Variants in CD74 observed in about 807,000 individuals in gnomAD.
CD74 encodes the protein HLA class II histocompatibility antigen gamma chain.
In CD74, 20 loss-of-function variants were observed where a neutral mutation model predicts 37.1. The ratio of observed to expected loss-of-function variants is 0.54; its 90% confidence interval spans 0.38 to 0.78. CD74 has a LOEUF of 0.78. Ranked by LOEUF, CD74 falls within the 30% of genes least tolerant of loss-of-function variation. The pLI is 0.00. For missense variants in CD74, 338 were observed against 389.5 expected (o/e 0.87, Z 1.11); for synonymous variants, 150 against 152.0 (o/e 0.99, Z 0.10).
chr5:150,408,943 G>C (rs1453377993), intron 1 of CD74, among the ~76,000 whole-genome samples: 2 of 152,336 alleles, frequency 1.3e-5, no homozygotes, highest in East Asian at 1.9e-4. Context: ...CACCAGGCTG[G>C]GTGTGGTGAC....
chr5:150,407,834 A>G lies in CD74; in HGVS notation c.126-510T>C, dbSNP rs999090818. Among the ~76,000 whole-genome samples, 2 of 151,592 alleles carry G rather than the reference A, an allele frequency of 1.3e-5. No homozygotes were observed. The highest frequency in any genetic ancestry group is 6.6e-5 in the Admixed American group (1 of 15,220). On this transcript the variant is annotated intron_variant, in intron 1 of 8. Transcript: ENST00000009530. This position sits in a 1 kb window ranked among gnomAD's most constrained non-coding sequence, Gnocchi z 4.4. ...AGTGGCGCGATCTCGGCTCACTGCA[A>G]CCTCCACCTCCTGGGTTTATGCCAT...
Position 150,403,123 on chromosome 5 carries a change from C to T in CD74, c.815G>A (p.Ser272Asn), listed in dbSNP as rs2151169548. Reference protein sequence around the residue: ...NTRSRGHHNCSESLELEDPSS... With the variant: ...NTRSRGHHNCNESLELEDPSS... ...ACTGGCACAGTGCCACTGCTTACCA[C>T]TGCAGTTATGGTGCCCGCGGCTTCT... The change falls in exon 7 of 9, where the codon AGT becomes AAT. Residue 272 changes from serine to asparagine, a missense_variant and splice_region_variant. Ser to Asn is a conservative substitution (Grantham distance 46). Transcript: ENST00000009530. This position sits in a 1 kb window ranked among gnomAD's most constrained non-coding sequence, Gnocchi z 4.5. The T allele has an allele frequency of 6.2e-7, 1 of 1,612,804 alleles. No homozygotes were observed. Among genetic ancestry groups the T allele is most frequent in the Non-Finnish European group, 8.5e-7 (1 of 1,179,220 alleles).
chr5:150,402,293 G>T lies in CD74; in HGVS notation c.881-43C>A. 1 of 1,435,404 alleles carries T rather than the reference G, an allele frequency of 7.0e-7. No individual in the cohort carries two copies. The highest frequency in any genetic ancestry group is 9.7e-7 in the Non-Finnish European group (1 of 1,028,490). 88.9% of individuals were successfully genotyped at this position (1,435,404 alleles called of 1,614,324 possible). On this transcript the variant is annotated intron_variant, in intron 8 of 8. Transcript: ENST00000009530. The surrounding 1 kb of genome is among the most constrained non-coding windows in gnomAD (Gnocchi z 4.2). ...AGGTTGAGGTTGGGGTCACCCATTT[G>T]TTGTCCCTGCCCCTTTCTAACATCC...
intron 1 of CD74, among the ~76,000 whole-genome samples, chr5:150,410,508 C>G (rs1770277918): frequency 1.3e-5 from 2 of 152,234 alleles, no homozygotes; most frequent in Admixed American, 6.5e-5. Context: ...TGTTAGCACT[C>G]TATAAATAAA....
rs778538070 is a variant in CD74, at chr5:150,403,196, C to T, written c.742G>A (p.Gly248Ser). ...YLPLQCYGSI[G>S]YCWCVFPNGT... is the part of the protein sequence containing the mutation. The stretch of plus-strand genomic sequence containing the variant: ...TTGGGGAAGACACACCAGCAGTAGC[C>T]GATGCTCCCATAGCACTGGAGTGGC... The change falls in exon 7 of 9, where the codon GGC becomes AGC. Residue 248 changes from glycine to serine, a missense_variant. Transcript: ENST00000009530. The surrounding 1 kb of genome is among the most constrained non-coding windows in gnomAD (Gnocchi z 4.5). 1.4e-5 allele frequency: 23 copies of T among 1,613,900 alleles called. 1 individual carries two copies. The South Asian group carries it at 1.9e-4, about 13-fold the overall frequency.
At chr5:150,406,708 C>T in intron 3 of CD74, 173 bp downstream of exon 3, 1 of 592,512 alleles carries the variant, frequency 1.7e-6, no homozygotes, top group South Asian at 2.3e-5. Flanking sequence ...AGACTCTTCA[C>T]CTGTGCCCTC....
rs1013045954 is a variant in CD74 at position 150,407,108 on chromosome 5, G to A, written c.298+44C>T. ...AGGGATGCGGGTCTCTGAGTTGAGG[G>A]ATGGTGGGAGGTGGGGGGTATCAGG... is the stretch of plus-strand genomic sequence containing the variant. On this transcript the variant is annotated intron_variant, in intron 2 of 8. Coordinates refer to ENST00000009530, the MANE Select transcript of CD74 (RefSeq NM_001025159.3). The surrounding 1 kb of genome is among the most constrained non-coding windows in gnomAD (Gnocchi z 4.4). 6.3e-6 allele frequency: 10 copies of A among 1,596,996 alleles called. No individual in the cohort carries two copies. Among genetic ancestry groups the A allele is most frequent in the Non-Finnish European group, 8.6e-6 (10 of 1,166,984 alleles).
intron 6 of CD74, chr5:150,404,388 C>T (rs1346683234): frequency 2.8e-6 from 1 of 358,252 alleles, no homozygotes; most frequent in Non-Finnish European, 5.2e-6. Flanking sequence ...CCCCAGGCAC[C>T]CTGTGCTGTA....
Position 150,412,609 on chromosome 5 carries a change from T to C in CD74, c.125+16A>G. The stretch of plus-strand genomic sequence containing the variant: ...AGTCCAGGATCGGTGTGCCCTTTCC[T>C]GGTGCTCACACATACCTCTCCGGGG... On this transcript the variant is annotated intron_variant, in intron 1 of 8. Coordinates refer to ENST00000009530, the MANE Select transcript of CD74 (RefSeq NM_001025159.3). 1.3e-6 allele frequency: 2 copies of C among 1,589,858 alleles called. No individual in the cohort carries two copies. Among genetic ancestry groups the C allele is most frequent in the Non-Finnish European group, 1.7e-6 (2 of 1,160,818 alleles).
Position 150,404,672 on chromosome 5 carries a change from C to A in CD74, c.625+8G>T, listed in dbSNP as rs2151176874. On this transcript the variant is annotated splice_region_variant and intron_variant, in intron 6 of 8. Transcript: ENST00000009530. ...GCCCTGGCACGCTAAAGCTCCCACTCCCTGTACCTTTCGGTGGAGCGTCAG... is the reference window on the plus strand; with the variant it reads ...GCCCTGGCACGCTAAAGCTCCCACTACCTGTACCTTTCGGTGGAGCGTCAG... The A allele has an allele frequency of 6.4e-7, 1 of 1,557,768 alleles. No individual in the cohort carries two copies. The highest frequency in any genetic ancestry group is 8.7e-7 in the Non-Finnish European group (1 of 1,146,600).
In CD74 at chr5:150,406,270, G is replaced by A; in HGVS notation, c.430C>T (p.His144Tyr). Residue 144 changes from histidine to tyrosine, a missense_variant, in exon 4 of 9, where the codon CAC (histidine) becomes TAC (tyrosine). Coordinates refer to ENST00000009530, the MANE Select transcript of CD74 (RefSeq NM_001025159.3). ...YGNMTEDHVMHLLQNADPLKV... is the reference protein window; with the variant it reads ...YGNMTEDHVMYLLQNADPLKV... The stretch of plus-strand genomic sequence containing the variant: ...CTCCCTGCACTCACCTGGAGCAGGT[G>A]CATCACATGGTCCTCTGTCATGTTG... The A allele has an allele frequency of 6.2e-7, 1 of 1,613,636 alleles. No homozygotes were observed. The highest frequency in any genetic ancestry group is 8.5e-7 in the Non-Finnish European group (1 of 1,179,690).
Position 150,403,449 on chromosome 5 carries a change from A to C in CD74, c.626-137T>G, listed in dbSNP as rs2151170904. 1.3e-6 allele frequency: 1 copy of C among 755,496 alleles called. No individual in the cohort carries two copies. The highest frequency in any genetic ancestry group is 2.3e-6 in the Non-Finnish European group (1 of 442,436). The allele number at this position is 755,496 out of a possible 1,614,324, so 46.8% of individuals were successfully genotyped here. On this transcript the variant is annotated intron_variant, in intron 6 of 8. Coordinates refer to ENST00000009530, the MANE Select transcript of CD74 (RefSeq NM_001025159.3). This position sits in a 1 kb window ranked among gnomAD's most constrained non-coding sequence, Gnocchi z 4.5. ...AGTGGCTTTACTCACTCCAGCCATC[A>C]CACGGATGGGAAAACTGAGGCCTAG...
intron 1 of CD74, among the ~76,000 whole-genome samples, chr5:150,408,167 C>T (rs1467944532): frequency 6.6e-6 from 1 of 152,136 alleles, no homozygotes; most frequent in African/African-American, 2.4e-5. Flanking sequence ...ACCCCTCTGC[C>T]CAACCTCCCA....
intron 1 of CD74, among the ~76,000 whole-genome samples, chr5:150,408,535 T>C (rs1770131946): frequency 6.6e-6 from 1 of 152,072 alleles, no homozygotes; most frequent in African/African-American, 2.4e-5. Flanking sequence ...CTGCAGGGGG[T>C]GGGCAGGAGT....
In CD74 at chr5:150,412,762, C is replaced by T. The variant is rs1276138579; in HGVS notation, c.-13G>A. ...TCCTCCTGTGCATCTGGGACCCTGACCCCCCGGCTCGCCTCTTAAAGTCGG... is the reference window on the plus strand; with the variant it reads ...TCCTCCTGTGCATCTGGGACCCTGATCCCCCGGCTCGCCTCTTAAAGTCGG... On this transcript the variant is annotated 5_prime_UTR_variant, in exon 1 of 9. Coordinates refer to ENST00000009530, the MANE Select transcript of CD74 (RefSeq NM_001025159.3). The T allele has an allele frequency of 5.0e-6, 8 of 1,612,884 alleles. No individual in the cohort carries two copies. Among genetic ancestry groups the T allele is most frequent in the Non-Finnish European group, 6.8e-6 (8 of 1,179,544 alleles).
rs763512828 is a variant in CD74, at chr5:150,402,249, G to T, written c.882C>A (p.Val294=). 1 of 1,596,922 alleles carries T rather than the reference G, an allele frequency of 6.3e-7. No individual in the cohort carries two copies. Among genetic ancestry groups the T allele is most frequent in the South Asian group, 1.1e-5 (1 of 88,732 alleles). ...LGVTKQDLGP[V]PM Reference sequence around the variant, plus strand: ...ACCGCCTCTGCTGCTCTCACATGGGGACTGGAGAGAGAAGCAGCAGGTTGA... The same window carrying T: ...ACCGCCTCTGCTGCTCTCACATGGGTACTGGAGAGAGAAGCAGCAGGTTGA... Residue 294 remains valine, a splice_region_variant and synonymous_variant, in exon 9 of 9, where the codon GTC becomes GTA. Transcript: ENST00000009530. The surrounding 1 kb of genome is among the most constrained non-coding windows in gnomAD (Gnocchi z 4.2).
Position 150,402,424 on chromosome 5 carries a change from G to T in CD74, c.880+139C>A, listed in dbSNP as rs1581247677. 1.1e-6 allele frequency: 1 copy of T among 929,514 alleles called. No individual in the cohort carries two copies. The highest frequency in any genetic ancestry group is 1.8e-6 in the Non-Finnish European group (1 of 564,092). 57.6% of individuals were successfully genotyped at this position (929,514 alleles called of 1,614,324 possible). A position where few individuals can be genotyped will look rare whatever the true frequency, so the allele number is the denominator to read the frequency against. Reference sequence around the variant, plus strand: ...TAACTCCCCACAGCCCCCCAACCCTGTTCCTTCGTCTGTGAAATGGACATC... The same window carrying T: ...TAACTCCCCACAGCCCCCCAACCCTTTTCCTTCGTCTGTGAAATGGACATC... On this transcript the variant is annotated intron_variant, in intron 8 of 8. Coordinates refer to ENST00000009530, the MANE Select transcript of CD74 (RefSeq NM_001025159.3). This position sits in a 1 kb window ranked among gnomAD's most constrained non-coding sequence, Gnocchi z 4.2.
intron 4 of CD74, chr5:150,405,517 C>T: frequency 1.2e-6 from 1 of 840,996 alleles, no homozygotes; most frequent in East Asian, 6.6e-5. Flanking sequence ...CTGCCCCCAG[C>T]TAGGTTGAGT....
chr5:150,408,754 G>T (rs1770148424), intron 1 of CD74, among the ~76,000 whole-genome samples: 1 of 152,188 alleles, frequency 6.6e-6, no homozygotes, highest in Non-Finnish European at 1.5e-5. Flanking sequence ...CCAGGGGTGG[G>T]ACTACTAAGA....
Sources: allele counts gnomAD v4.1 joint callset (sites outside exome capture counted in the v4.1 genomes callset), GRCh38; gene constraint gnomAD v4.1.1; non-coding constraint Gnocchi (gnomAD v3.1); transcripts MANE v1.5; gene names NCBI Gene and HGNC (gene_info 2026-07-23, HGNC 2026-07-21).